CDC73: variants seen among roughly 807,000 people sequenced by gnomAD.
CDC73 encodes cell division cycle 73, also known as parafibromin.
CDC73 carries 21 observed loss-of-function variants against 83.7 expected under a neutral mutation model. That is an observed-to-expected ratio of 0.25 (90% confidence interval 0.18 to 0.36). CDC73 has a LOEUF of 0.36. Among genes scored for constraint, CDC73 ranks in the 10% least tolerant of loss-of-function variants. The pLI, the probability that CDC73 is intolerant of heterozygous loss-of-function variation, is 1.00. For synonymous variants in CDC73, 224 were observed against 212.9 expected (o/e 1.05, Z -0.45); for missense variants, 342 against 653.3 (o/e 0.52, Z 5.19).
chr1:193,220,070 G>A (rs1012355359), intron 13 of CDC73, among the ~76,000 whole-genome samples: 2 of 151,440 alleles, frequency 1.3e-5, no homozygotes, highest in Non-Finnish European at 2.9e-5. Flanking sequence ...TGATCACTGG[G>A]AAACAGTTTT....
At chr1:193,156,997 C>T (rs904436709) in intron 10 of CDC73, among the ~76,000 whole-genome samples, 7 of 152,070 alleles carry the variant, frequency 4.6e-5, no homozygotes, top group Non-Finnish European at 8.8e-5. Context: ...GTTAAAGGTA[C>T]GTTGTGCAAC....
At chr1:193,210,779 A>G (rs1677265007) in intron 11 of CDC73, among the ~76,000 whole-genome samples, 1 of 152,154 alleles carries the variant, frequency 6.6e-6, no homozygotes, top group African/African-American at 2.4e-5. Context: ...ACAATCAATC[A>G]TATGGTCATT....
In CDC73 at chr1:193,252,438, T is replaced by G; in HGVS notation, c.*1726T>G. ...AAGACTACTACAAGTCAGTATGAAC[T>G]ACCTTCCCATAAAGATTTTTGGTAT... On this transcript the variant is annotated 3_prime_UTR_variant, in exon 17 of 17. Transcript: ENST00000367435. The G allele has an allele frequency of 4.3e-6, 1 of 230,020 alleles. No individual in the cohort carries two copies. Among genetic ancestry groups the G allele is most frequent in the Non-Finnish European group, 8.6e-6 (1 of 116,030 alleles). 14.2% of individuals were successfully genotyped at this position (230,020 alleles called of 1,614,324 possible).
chr1:193,177,386 C>CGG lies in CDC73; in HGVS notation c.972+24944_972+24945dup, dbSNP rs1438334379. On this transcript the variant is annotated intron_variant, in intron 10 of 16. Transcript: ENST00000367435. ...AAAAAAAAAAAAAAAAAAAATCAGC[C>CGG]GGGCGCGGTGGCAGGCACCTGTAGT... 1.7e-3 allele frequency among the ~76,000 whole-genome samples: 188 copies of CGG among 110,918 alleles called. 1 individual carries two copies. Among genetic ancestry groups the CGG allele is most frequent in the African/African-American group, 5.2e-3 (182 of 35,080 alleles). The allele number at this position is 110,918 out of a possible 152,430, so 72.8% of individuals were successfully genotyped here.
At chr1:193,159,143 G>C (rs142921095) in intron 10 of CDC73, among the ~76,000 whole-genome samples, 1 of 152,070 alleles carries the variant, frequency 6.6e-6, no homozygotes, top group Non-Finnish European at 1.5e-5. Flanking sequence ...GACGGGGGCA[G>C]ATAATGTTCT....
intron 2 of CDC73, among the ~76,000 whole-genome samples, chr1:193,126,777 A>G (rs1412675710): frequency 1.3e-5 from 2 of 152,174 alleles, no homozygotes; most frequent in East Asian, 3.8e-4. Context: ...AACTTTTCTT[A>G]TAGTTCTTAA....
At chr1:193,181,277 C>T in intron 10 of CDC73, 2 of 1,614,042 alleles carry the variant, frequency 1.2e-6, no homozygotes, top group Middle Eastern at 1.6e-4. Context: ...GAGTTAGTTG[C>T]TGTTTGAGGC....
chr1:193,142,133 G>A (rs1167114107), intron 7 of CDC73, 67 bp downstream of exon 7: 3 of 1,320,976 alleles, frequency 2.3e-6, no homozygotes, highest in Admixed American at 3.5e-5. Flanking sequence ...TTAATCTGTG[G>A]TTATAGAATT....
At chr1:193,147,362 G>GT (rs938278913) in intron 7 of CDC73, among the ~76,000 whole-genome samples, 162 of 144,606 alleles carry the variant, frequency 1.1e-3, no homozygotes, top group Non-Finnish European at 1.9e-3. Context: ...ATTTGTAGCA[G>GT]TTTTTTTTTT....
chr1:193,137,075 AG>A (rs1243247125), intron 5 of CDC73, among the ~76,000 whole-genome samples: 1 of 152,188 alleles, frequency 6.6e-6, no homozygotes, highest in Admixed American at 6.5e-5. Flanking sequence ...ATGTCTTTTG[AG>A]GATCTATAAG....
chr1:193,137,986 A>G, intron 5 of CDC73, 99 bp from the exon 6 acceptor site: 1 of 846,492 alleles, frequency 1.2e-6, no homozygotes, highest in Admixed American at 1.7e-5. Flanking sequence ...CTAGAATTGT[A>G]GAGGTAGGAA....
chr1:193,124,791 T>G (rs1428846311), intron 1 of CDC73, among the ~76,000 whole-genome samples: 1 of 152,226 alleles, frequency 6.6e-6, no homozygotes, highest in African/African-American at 2.4e-5. Flanking sequence ...TGTTTTCTCT[T>G]ATGGATCCTC....
At chr1:193,221,578 C>T (rs1156358547) in intron 13 of CDC73, among the ~76,000 whole-genome samples, 3 of 152,104 alleles carry the variant, frequency 2.0e-5, no homozygotes, top group South Asian at 2.1e-4. Context: ...TCTTTTCATT[C>T]TCCACTCTCA....
chr1:193,189,058 A>G (rs1460499305), intron 10 of CDC73, among the ~76,000 whole-genome samples: 2 of 150,872 alleles, frequency 1.3e-5, no homozygotes, highest in Non-Finnish European at 1.5e-5. Flanking sequence ...GGTTCAAGAG[A>G]TTCTCGTGCT....
chr1:193,163,178 G>T (rs28758437), intron 10 of CDC73, among the ~76,000 whole-genome samples: 163 of 144,630 alleles, frequency 1.1e-3, no homozygotes, highest in South Asian at 6.2e-3. Context: ...TGTGTGTGTG[G>T]GTGTGTGTGT....
intron 10 of CDC73, among the ~76,000 whole-genome samples, chr1:193,165,003 T>C (rs1309681879): frequency 6.6e-6 from 1 of 152,142 alleles, no homozygotes; most frequent in African/African-American, 2.4e-5. Context: ...ACATTTAGCT[T>C]TGTTGATTTG....
At chr1:193,214,671 A>AT (rs1252488041) in intron 13 of CDC73, among the ~76,000 whole-genome samples, 1 of 152,230 alleles carries the variant, frequency 6.6e-6, no homozygotes, top group Non-Finnish European at 1.5e-5. Context: ...GTGAGCTGAG[A>AT]TGCCGCCACT....
In CDC73 at chr1:193,199,161, A is replaced by C. The variant is rs533507655; in HGVS notation, c.973-4634A>C. 2.6e-5 allele frequency among the ~76,000 whole-genome samples: 4 copies of C among 152,292 alleles called. No homozygotes were observed. The South Asian group carries it at 8.3e-4, about 32-fold the overall frequency. On this transcript the variant is annotated intron_variant, in intron 10 of 16. Coordinates refer to ENST00000367435, the MANE Select transcript of CDC73 (RefSeq NM_024529.5). ...AAGTCTTAAAAAAATTGTGCTTATT[A>C]TTTATGTTGAAATGTTTTGCTTCTA...
intron 10 of CDC73, among the ~76,000 whole-genome samples, chr1:193,159,467 T>C (rs1159727103): frequency 6.6e-6 from 1 of 152,128 alleles, no homozygotes; most frequent in Admixed American, 6.6e-5. Flanking sequence ...GTCTCCTGGG[T>C]TCAGGTGATT....
Sources: allele counts gnomAD v4.1 joint callset (sites outside exome capture counted in the v4.1 genomes callset), GRCh38; gene constraint gnomAD v4.1.1; transcripts MANE v1.5; gene names NCBI Gene and HGNC (gene_info 2026-07-23, HGNC 2026-07-21).